The following MGAT4C variants were observed in gnomAD, a reference collection of about 807,000 sequenced individuals.
MGAT4C encodes the protein alpha-1,3-mannosyl-glycoprotein 4-beta-N-acetylglucosaminyltransferase C.
In MGAT4C, 19 loss-of-function variants were observed where a neutral mutation model predicts 40.1. That is an observed-to-expected ratio of 0.47 (90% CI 0.33 to 0.70). MGAT4C has a LOEUF of 0.70. MGAT4C is among the 30% of genes least tolerant of loss of function. The pLI, the probability that MGAT4C is intolerant of heterozygous loss-of-function variation, is 0.02. For synonymous variants in MGAT4C, 181 were observed against 187.1 expected, an observed-to-expected ratio of 0.97 and a Z score of 0.27; for missense variants, 491 against 563.2, an observed-to-expected ratio of 0.87 and a Z score of 1.30.
rs1193464551 is a variant in MGAT4C, at chr12:86,376,826, G to GAGAGAC, written c.-119-42700_-119-42699insGTCTCT. On this transcript the variant is annotated intron_variant, in intron 3 of 7. Transcript: ENST00000548651. ...AGACAGAGAGAGAGAGACAGAGAGAGAGAGAGAGAGAGAGAGACAGAGAGA... is the reference window on the plus strand; with the variant it reads ...AGACAGAGAGAGAGAGACAGAGAGAGAGAGACAGAGAGAGAGAGAGAGACAGAGAGA... Among the ~76,000 whole-genome samples the GAGAGAC allele has an allele frequency of 3.5e-5, 4 of 114,306 alleles. 1 individual carries two copies. The highest frequency in any genetic ancestry group is 3.8e-5 in the Non-Finnish European group (2 of 52,262). The allele number at this position is 114,306 out of a possible 152,430, so 75.0% of individuals were successfully genotyped here. A position where few individuals can be genotyped will look rare whatever the true frequency, so the allele number is the denominator to read the frequency against.
chr12:86,084,749 G>A (rs887124183), intron 1 of MGAT4C, among the ~76,000 whole-genome samples: 4 of 151,760 alleles, frequency 2.6e-5, no homozygotes, highest in Admixed American at 6.6e-5. Flanking sequence ...AAGGAAAAGA[G>A]GCCTGAGCAA....
intron 2 of MGAT4C, among the ~76,000 whole-genome samples, chr12:86,688,353 T>A (rs910783422): frequency 6.6e-6 from 1 of 152,036 alleles, no homozygotes. Context: ...ACATTTAAGG[T>A]CAATATTGTT....
intron 4 of MGAT4C, among the ~76,000 whole-genome samples, chr12:86,281,462 A>T (rs1048699482): frequency 3.3e-5 from 5 of 150,924 alleles, no homozygotes; most frequent in Non-Finnish European, 7.4e-5. Flanking sequence ...CTGTATATGT[A>T]TCTTCAAAAT....
At position 86,544,426 on chromosome 12, in the gene MGAT4C, G is replaced by A. The variant is rs11103984; in HGVS notation, c.-228-109161C>T. On this transcript the variant is annotated intron_variant, in intron 2 of 7. Transcript: ENST00000548651. ...TTATTTGTATCCTCAGTTTATTTGTGTGTAACATTTTGATGTTTATTTCTA... is the reference window on the plus strand; with the variant it reads ...TTATTTGTATCCTCAGTTTATTTGTATGTAACATTTTGATGTTTATTTCTA... Among the ~76,000 whole-genome samples, 1,099 of 152,030 alleles carry A rather than the reference G, an allele frequency of 7.2e-3. 17 individuals carry two copies. The highest frequency in any genetic ancestry group is 0.025 in the African/African-American group (1,054 of 41,474).
chr12:85,999,391 G>T (rs527936945), intron 2 of MGAT4C, among the ~76,000 whole-genome samples: 2 of 152,036 alleles, frequency 1.3e-5, no homozygotes, highest in African/African-American at 4.8e-5. Context: ...TAAAGAAATC[G>T]AAATTATATA....
At position 86,547,895 on chromosome 12, in the gene MGAT4C, C is replaced by G. The variant is rs141862256; in HGVS notation, c.-228-112630G>C. On this transcript the variant is annotated intron_variant, in intron 2 of 7. Coordinates refer to the MGAT4C transcript ENST00000548651. ...TACAGGGTAGGCATGTTTTTCTGCC[C>G]TAAAAGTTCCTATTCAACACTTTGG... Among the ~76,000 whole-genome samples the G allele has an allele frequency of 2.4e-3, 371 of 152,188 alleles. 1 individual carries two copies. Among genetic ancestry groups the G allele is most frequent in the African/African-American group, 8.8e-3 (364 of 41,568 alleles).
rs937937349 is a variant in MGAT4C at position 86,296,423 on chromosome 12, G to A, written c.-57+37642C>T. Reference sequence around the variant, plus strand: ...GCTCGCACTCCTCAGCCCTTGGGCGGTCGATGGGACTGGGCGCCGTGGAGC... The same window carrying A: ...GCTCGCACTCCTCAGCCCTTGGGCGATCGATGGGACTGGGCGCCGTGGAGC... On this transcript the variant is annotated intron_variant, in intron 4 of 7. Transcript: ENST00000548651. Among the ~76,000 whole-genome samples, 4 of 99,652 alleles carry A rather than the reference G, an allele frequency of 4.0e-5. No homozygotes were observed. The Admixed American group carries it at 4.3e-4, about 11-fold the overall frequency. 65.4% of individuals were successfully genotyped at this position (99,652 alleles called of 152,430 possible).
chr12:86,030,946 C>A (rs547897224), intron 2 of MGAT4C, among the ~76,000 whole-genome samples: 262 of 151,654 alleles, frequency 1.7e-3, no homozygotes, highest in Admixed American at 2.6e-3. Context: ...TTAGAGTCTA[C>A]GGTGATAGTG....
At chr12:86,668,480 G>A (rs961270014) in intron 2 of MGAT4C, among the ~76,000 whole-genome samples, 1 of 152,194 alleles carries the variant, frequency 6.6e-6, no homozygotes, top group African/African-American at 2.4e-5. Flanking sequence ...GAGAGGGATG[G>A]AGACATTATA....
intron 1 of MGAT4C, among the ~76,000 whole-genome samples, chr12:86,056,222 A>T (rs554862902): frequency 6.6e-6 from 1 of 152,206 alleles, no homozygotes; most frequent in South Asian, 2.1e-4. Context: ...ATGTGAAATG[A>T]GTGATCTATT....
intron 2 of MGAT4C, among the ~76,000 whole-genome samples, chr12:86,462,319 C>G (rs949453264): frequency 6.6e-6 from 1 of 152,104 alleles, no homozygotes; most frequent in Non-Finnish European, 1.5e-5. Flanking sequence ...TTACTGAGCA[C>G]TTATTATTTT....
intron 1 of MGAT4C, among the ~76,000 whole-genome samples, chr12:86,080,759 A>G (rs1050381614): frequency 1.3e-5 from 2 of 152,182 alleles, no homozygotes; most frequent in Non-Finnish European, 2.9e-5. Flanking sequence ...GGACTTATTA[A>G]CTGAAGGAAG....
chr12:86,709,730 A>G (rs1007231000), intron 2 of MGAT4C, among the ~76,000 whole-genome samples: 1 of 152,104 alleles, frequency 6.6e-6, no homozygotes, highest in Non-Finnish European at 1.5e-5. Context: ...TTTTAAAATA[A>G]GTATTTCTAA....
intron 2 of MGAT4C, among the ~76,000 whole-genome samples, chr12:86,589,424 C>G (rs1961222043): frequency 6.6e-6 from 1 of 151,880 alleles, no homozygotes; most frequent in East Asian, 1.9e-4. Flanking sequence ...CCTTACCAAC[C>G]AAAAAGAGTC....
intron 1 of MGAT4C, among the ~76,000 whole-genome samples, chr12:86,785,859 T>G (rs1388412455): frequency 1.3e-5 from 2 of 151,808 alleles, no homozygotes; most frequent in Non-Finnish European, 2.9e-5. Flanking sequence ...AATTTTCCCA[T>G]TTTCTCTGTT....
chr12:86,418,827 C>A (rs1245814537), intron 3 of MGAT4C, among the ~76,000 whole-genome samples: 1 of 151,832 alleles, frequency 6.6e-6, no homozygotes, highest in African/African-American at 2.4e-5. Flanking sequence ...GCAAATATAA[C>A]TAGCTAGGGA....
chr12:86,749,038 C>T (rs1951195979), intron 1 of MGAT4C, among the ~76,000 whole-genome samples: 1 of 150,996 alleles, frequency 6.6e-6, no homozygotes, highest in African/African-American at 2.4e-5. Flanking sequence ...GTACTCACCC[C>T]ATCTGGTTTA....
chr12:86,592,720 G>T (rs1212703668), intron 2 of MGAT4C, among the ~76,000 whole-genome samples: 2 of 152,070 alleles, frequency 1.3e-5, no homozygotes, highest in African/African-American at 4.8e-5. Flanking sequence ...GGGGTCTTTT[G>T]CTTATGATAC....
chr12:86,026,327 C>T (rs1890238248), intron 2 of MGAT4C, among the ~76,000 whole-genome samples: 1 of 151,576 alleles, frequency 6.6e-6, no homozygotes, highest in Non-Finnish European at 1.5e-5. Flanking sequence ...TGTGCATGCA[C>T]ATGCACACAC....
Sources: gnomAD v4.1 joint callset for allele counts (sites outside exome capture counted in the v4.1 genomes callset) on GRCh38, gnomAD v4.1.1 for gene constraint, MANE v1.5 for transcripts, NCBI Gene and HGNC (gene_info 2026-07-23, HGNC 2026-07-21) for gene names.